The following CFAP46 variants were observed in gnomAD, a reference collection of about 807,000 sequenced individuals.
CFAP46 encodes the protein cilia and flagella associated protein 46.
In CFAP46, 245 loss-of-function variants were observed where a neutral mutation model predicts 325.7. The ratio of observed to expected loss-of-function variants is 0.75; its 90% CI spans 0.68 to 0.84. The LOEUF is 0.84. Ranked by LOEUF, CFAP46 falls within the 40% of genes least tolerant of loss-of-function variation. CFAP46 has a pLI of 0.00. For synonymous variants in CFAP46, 1,523 were observed against 1,495.9 expected (o/e 1.02, Z -0.42); for missense variants, 3,346 against 3,543.0 (o/e 0.94, Z 1.41).
intron 11 of CFAP46, 89 bp from the exon 12 acceptor site, chr10:132,922,797 G>T: frequency 1.9e-6 from 2 of 1,056,726 alleles, no homozygotes; most frequent in Non-Finnish European, 2.8e-6. Flanking sequence ...GCCTGCAGTG[G>T]CCCCAGAGTG....
chr10:132,915,364 A>G (rs1284188989), intron 17 of CFAP46, among the ~76,000 whole-genome samples: 3 of 152,134 alleles, frequency 2.0e-5, no homozygotes, highest in Non-Finnish European at 4.4e-5. Flanking sequence ...GTGGCTCCTC[A>G]CAGAGCCCGG....
At chr10:132,938,786 C>T (rs1277373104) in intron 4 of CFAP46, 33 bp from the exon 5 acceptor site, 3 of 1,594,860 alleles carry the variant, frequency 1.9e-6, no homozygotes, top group Non-Finnish European at 2.6e-6. Context: ...AGAGAGCACG[C>T]TCAAAGCCCA....
At position 132,828,379 on chromosome 10, in the gene CFAP46, GTTTCACCCA is replaced by G. The variant is rs575807813; in HGVS notation, c.7117+4970_7117+4978del. Among the ~76,000 whole-genome samples, 5 of 151,952 alleles carry G rather than the reference GTTTCACCCA, an allele frequency of 3.3e-5. No individual in the cohort carries two copies. The highest frequency in any genetic ancestry group is 5.9e-5 in the Non-Finnish European group (4 of 68,042). On this transcript the variant is annotated intron_variant, in intron 50 of 57. Transcript: ENST00000368586. This position sits in a 1 kb window ranked among gnomAD's most constrained non-coding sequence, Gnocchi z 4.9. Reference sequence around the variant, plus strand: ...ACACGCGCTCTGGTCGACTGTGTGAGTTTCACCCATTCTAACAGGTGTGCAGGGGTATTC... The same window carrying G: ...ACACGCGCTCTGGTCGACTGTGTGAGTTCTAACAGGTGTGCAGGGGTATTC...
At chr10:132,938,513 G>C (rs1001288257) in intron 5 of CFAP46, 76 bp downstream of exon 5, 2 of 1,407,470 alleles carry the variant, frequency 1.4e-6, no homozygotes, top group Non-Finnish European at 2.0e-6. Context: ...TCCCCCCCCC[G>C]GAGAAGGGGT....
chr10:132,822,049 GTGC>G (rs1212783331), intron 50 of CFAP46, among the ~76,000 whole-genome samples: 1 of 143,834 alleles, frequency 7.0e-6, no homozygotes, highest in Non-Finnish European at 1.5e-5. Context: ...GTGCTGATGT[GTGC>G]TGTGTGTGCT....
intron 35 of CFAP46, among the ~76,000 whole-genome samples, chr10:132,863,158 C>T (rs1316296048): frequency 6.6e-6 from 1 of 152,072 alleles, no homozygotes; most frequent in Non-Finnish European, 1.5e-5. Context: ...GGTTCACTCC[C>T]CAAGTCCCAG....
chr10:132,885,292 G>C lies in CFAP46; in HGVS notation c.3444-6C>G, dbSNP rs753919060. The stretch of plus-strand genomic sequence containing the variant: ...CCATGTGCTTGAAGATCAAGCTAAA[G>C]AAAGGGAAGGTGAGAAACCAACGTC... On this transcript the variant is annotated splice_polypyrimidine_tract_variant and splice_region_variant and intron_variant, in intron 26 of 57. Transcript: ENST00000368586. 8 of 1,540,556 alleles carry C rather than the reference G, an allele frequency of 5.2e-6. No homozygotes were observed. The highest frequency in any genetic ancestry group is 7.0e-6 in the Non-Finnish European group (8 of 1,139,584).
intron 49 of CFAP46, 24 bp from the exon 50 acceptor site, chr10:132,833,549 A>T (rs1324971906): frequency 6.2e-7 from 1 of 1,601,110 alleles, no homozygotes; most frequent in Non-Finnish European, 8.5e-7. Flanking sequence ...GTGCAGGGAG[A>T]TCAGCTCCTG....
Position 132,847,323 on chromosome 10 carries a change from T to A in CFAP46, c.5953-2A>T, listed in dbSNP as rs1591050028. 6.2e-7 allele frequency: 1 copy of A among 1,613,324 alleles called. No homozygotes were observed. The highest frequency in any genetic ancestry group is 8.5e-7 in the Non-Finnish European group (1 of 1,179,824). ...GAGGCCGCTCAGCTTGGCGCCCACC[T>A]GTGACACACATTGCAGGTTGGCAGA... is the stretch of plus-strand genomic sequence containing the variant. On this transcript the variant is annotated splice_acceptor_variant, in intron 41 of 57. Transcript: ENST00000368586. LOFTEE classifies it high-confidence loss of function. This position sits in a 1 kb window ranked among gnomAD's most constrained non-coding sequence, Gnocchi z 5.2.
At chr10:132,824,043 G>GT (rs1847968483) in intron 50 of CFAP46, among the ~76,000 whole-genome samples, 1 of 130,210 alleles carries the variant, frequency 7.7e-6, no homozygotes, top group Non-Finnish European at 1.6e-5. Context: ...GATGTGTGCT[G>GT]ATGTGTGCTG....
rs910307887 is a variant in CFAP46 at position 132,869,474 on chromosome 10, C to T, written c.4512-102G>A. The stretch of plus-strand genomic sequence containing the variant: ...CACAGAAAACGGTCAACTAACACAT[C>T]GAGGCACACTTGGATGGTATTTTCA... On this transcript the variant is annotated intron_variant, in intron 32 of 57. Coordinates refer to ENST00000368586, the MANE Select transcript of CFAP46 (RefSeq NM_001200049.3). The surrounding 1 kb of genome is among the most constrained non-coding windows in gnomAD (Gnocchi z 6.2). 3 of 727,348 alleles carry T rather than the reference C, an allele frequency of 4.1e-6. No individual in the cohort carries two copies. Among genetic ancestry groups the T allele is most frequent in the Non-Finnish European group, 6.3e-6 (3 of 479,244 alleles). The allele number at this position is 727,348 out of a possible 1,614,324, so 45.1% of individuals were successfully genotyped here. A position where few individuals can be genotyped will look rare whatever the true frequency, so the allele number is the denominator to read the frequency against.
At chr10:132,842,104 G>A (rs148299734) in intron 44 of CFAP46, among the ~76,000 whole-genome samples, 3,021 of 152,284 alleles carry the variant, frequency 0.02, 44 homozygotes, top group Non-Finnish European at 0.03. Flanking sequence ...CTTTTCTTTT[G>A]ATGATAATTC....
intron 22 of CFAP46, among the ~76,000 whole-genome samples, chr10:132,902,690 A>G (rs1350126313): frequency 2.0e-5 from 3 of 152,076 alleles, no homozygotes; most frequent in Non-Finnish European, 2.9e-5. Flanking sequence ...TTTTGCACAC[A>G]TCTAGTAATT....
At position 132,814,575 on chromosome 10, in the gene CFAP46, A is replaced by ACCTGGGC; in HGVS notation, c.7280_7285+1dup. The ACCTGGGC allele has an allele frequency of 1.3e-6, 2 of 1,561,506 alleles. No homozygotes were observed. On this transcript the variant is annotated splice_donor_variant, in intron 53 of 57. Transcript: ENST00000368586. LOFTEE classifies it high-confidence loss of function. ...GAACAGGGAGCCCTGTGCAGCACCC[A>ACCTGGGC]CCTGGGCCCTGGGCCTCCTCGTATG...
At chr10:132,923,864 C>T (rs954971000) in intron 11 of CFAP46, among the ~76,000 whole-genome samples, 5 of 152,138 alleles carry the variant, frequency 3.3e-5, no homozygotes, top group African/African-American at 1.2e-4. Flanking sequence ...GAGAAATCTT[C>T]CATTCCTCCA....
At position 132,877,965 on chromosome 10, in the gene CFAP46, C is replaced by T. The variant is rs1195106927; in HGVS notation, c.4128G>A (p.Glu1376=). ...ENERSKEKEK[E]RSKEKENERS... ...TCTCATTCTCCTTCTCTTTACTCCT[C>T]TCCTTCTCCTTCTCTTTACTCCTCT... Residue 1376 remains glutamate (E), a synonymous_variant, in exon 30 of 58, where the codon GAG becomes GAA. Coordinates refer to ENST00000368586, the MANE Select transcript of CFAP46 (RefSeq NM_001200049.3). The surrounding 1 kb of genome is among the most constrained non-coding windows in gnomAD (Gnocchi z 5.7). The T allele has an allele frequency of 1.3e-6, 2 of 1,549,530 alleles. No individual in the cohort carries two copies. Among genetic ancestry groups the T allele is most frequent in the South Asian group, 2.4e-5 (2 of 84,022 alleles).
chr10:132,936,879 TC>T (rs1850016196), intron 7 of CFAP46, 81 bp downstream of exon 7: 6 of 745,076 alleles, frequency 8.1e-6, no homozygotes, highest in South Asian at 7.1e-5. Flanking sequence ...ACACAGGACC[TC>T]CCCCCATGGA....
chr10:132,922,824 C>T (rs1849748423), intron 11 of CFAP46, 116 bp from the exon 12 acceptor site: 1 of 791,492 alleles, frequency 1.3e-6, no homozygotes, highest in Non-Finnish European at 2.0e-6. Flanking sequence ...AGGCTTGGTG[C>T]CCGGTGCCCC....
At position 132,886,269 on chromosome 10, in the gene CFAP46, G is replaced by A. The variant is rs774205356; in HGVS notation, c.3305-310C>T. On this transcript the variant is annotated intron_variant, in intron 25 of 57. Transcript: ENST00000368586. This position sits in a 1 kb window ranked among gnomAD's most constrained non-coding sequence, Gnocchi z 5.8. ...CACAAACACAGACCTGTGTTTCCACGTATTAAAGATTGGCGAGCAGGACTT... is the reference window on the plus strand; with the variant it reads ...CACAAACACAGACCTGTGTTTCCACATATTAAAGATTGGCGAGCAGGACTT... Among the ~76,000 whole-genome samples the A allele has an allele frequency of 6.6e-6, 1 of 152,178 alleles. No homozygotes were observed. The highest frequency in any genetic ancestry group is 6.5e-5 in the Admixed American group (1 of 15,286).
Sources: allele counts gnomAD v4.1 joint callset (sites outside exome capture counted in the v4.1 genomes callset), GRCh38; gene constraint gnomAD v4.1.1; non-coding constraint Gnocchi (gnomAD v3.1); transcripts MANE v1.5; gene names NCBI Gene and HGNC (gene_info 2026-07-23, HGNC 2026-07-21).